Variants in SNTG1 observed in about 807,000 individuals in gnomAD.
SNTG1 encodes the protein syntrophin gamma 1.
A neutral mutation model predicts 74.7 loss-of-function variants in SNTG1; 39 were observed. That is an observed-to-expected ratio of 0.52 (90% CI 0.40 to 0.68). SNTG1 has a LOEUF of 0.68. Ranked by LOEUF, SNTG1 falls within the 30% of genes least tolerant of loss-of-function variation. SNTG1 has a pLI of 0.00. For missense variants in SNTG1, 685 were observed against 609.5 expected, an observed-to-expected ratio of 1.12 and a Z score of -1.30; for synonymous variants, 254 against 217.1, an observed-to-expected ratio of 1.17 and a Z score of -1.49.
chr8:50,493,960 A>G (rs1454369876), intron 8 of SNTG1, among the ~76,000 whole-genome samples: 1 of 151,884 alleles, frequency 6.6e-6, no homozygotes, highest in African/African-American at 2.4e-5. Flanking sequence ...TAGAAATATT[A>G]AAGAGAGCCC....
chr8:50,457,968 T>C (rs971467146), intron 8 of SNTG1: 1 of 152,218 alleles, frequency 6.6e-6, no homozygotes, highest in Non-Finnish European at 1.5e-5. Context: ...AGGATTCTTT[T>C]TTAGTGAAAT....
At chr8:49,991,146 C>T (rs1179891262) in intron 1 of SNTG1, among the ~76,000 whole-genome samples, 1 of 152,106 alleles carries the variant, frequency 6.6e-6, no homozygotes, top group Non-Finnish European at 1.5e-5. Flanking sequence ...AACAGGCTCT[C>T]CTCCACAGGA....
chr8:50,340,774 T>C (rs1028820513), intron 2 of SNTG1, among the ~76,000 whole-genome samples: 15 of 151,936 alleles, frequency 9.9e-5, no homozygotes, highest in African/African-American at 3.4e-4. Context: ...CACTAATCTA[T>C]TGATTAAAAG....
intron 1 of SNTG1, among the ~76,000 whole-genome samples, chr8:50,141,651 C>A (rs889614191): frequency 6.6e-6 from 1 of 151,934 alleles, no homozygotes; most frequent in African/African-American, 2.4e-5. Flanking sequence ...ACAGCAATGA[C>A]AACAACAAAA....
chr8:50,739,134 C>T lies in SNTG1; in HGVS notation c.1285-12867C>T, dbSNP rs543920553. On this transcript the variant is annotated intron_variant, in intron 17 of 18. Coordinates refer to ENST00000642720, the MANE Select transcript of SNTG1 (RefSeq NM_018967.5). ...CATCAGGATGAACAGGCCATCTACA[C>T]AATGGGAGAAAAGTTTTACAATCTA... Among the ~76,000 whole-genome samples, 205 of 151,964 alleles carry T rather than the reference C, an allele frequency of 1.3e-3. 1 individual carries two copies. The highest frequency in any genetic ancestry group is 4.7e-3 in the African/African-American group (197 of 41,498).
chr8:50,466,407 A>T (rs563804973), intron 8 of SNTG1, among the ~76,000 whole-genome samples: 1 of 151,950 alleles, frequency 6.6e-6, no homozygotes, highest in Non-Finnish European at 1.5e-5. Flanking sequence ...GATCATGTGT[A>T]TTCTTTTGCC....
chr8:50,621,176 C>T (rs2094921046), intron 13 of SNTG1, among the ~76,000 whole-genome samples: 2 of 150,874 alleles, frequency 1.3e-5, no homozygotes, highest in African/African-American at 4.9e-5. Context: ...TCAGATCTTT[C>T]AAGTAAATAT....
intron 1 of SNTG1, among the ~76,000 whole-genome samples, chr8:50,034,252 A>G (rs1460732505): frequency 6.6e-6 from 1 of 152,202 alleles, no homozygotes; most frequent in Admixed American, 6.5e-5. Flanking sequence ...CATTAGAAGA[A>G]AGCTTTAAAA....
At chr8:50,487,914 T>C (rs2093813251) in intron 8 of SNTG1, among the ~76,000 whole-genome samples, 1 of 152,224 alleles carries the variant, frequency 6.6e-6, no homozygotes, top group African/African-American at 2.4e-5. Flanking sequence ...TTGCTTATTC[T>C]GTGTTACCTC....
At chr8:50,149,122 T>A (rs1257256061) in intron 1 of SNTG1, among the ~76,000 whole-genome samples, 4 of 152,176 alleles carry the variant, frequency 2.6e-5, no homozygotes. Flanking sequence ...TCATTGGAGA[T>A]TTGATTTCTC....
chr8:50,660,184 AAAAG>A lies in SNTG1; in HGVS notation c.1038+1533_1038+1536del, dbSNP rs768327177. Among the ~76,000 whole-genome samples the A allele has an allele frequency of 1.5e-4, 22 of 151,462 alleles. No homozygotes were observed. In the South Asian group the frequency reaches 4.6e-3, roughly 32 times the overall value. On this transcript the variant is annotated intron_variant, in intron 15 of 18. Coordinates refer to ENST00000642720, the MANE Select transcript of SNTG1 (RefSeq NM_018967.5). Reference sequence around the variant, plus strand: ...AAGCTACTCATGTAATTAGGGGAAGAAAAGAAAGAAAGAAAAGAAAAGAAGGAAA... The same window carrying A: ...AAGCTACTCATGTAATTAGGGGAAGAAAAGAAAGAAAAGAAAAGAAGGAAA...
intron 1 of SNTG1, among the ~76,000 whole-genome samples, chr8:50,112,515 C>CTTTTTTTTTTT (rs34942560): frequency 1.3e-5 from 1 of 77,582 alleles, no homozygotes; most frequent in African/African-American, 5.1e-5. Flanking sequence ...TTAGTTCTTT[C>CTTTTTTTTTTT]TTTTTTTTTT....
At chr8:50,323,917 C>T (rs937122158) in intron 2 of SNTG1, among the ~76,000 whole-genome samples, 6 of 152,282 alleles carry the variant, frequency 3.9e-5, no homozygotes, top group Non-Finnish European at 5.9e-5. Context: ...GTGCTTAAAT[C>T]GAATACTGGG....
intron 2 of SNTG1, among the ~76,000 whole-genome samples, chr8:50,236,767 A>G (rs1388492214): frequency 6.6e-6 from 1 of 152,078 alleles, no homozygotes; most frequent in Non-Finnish European, 1.5e-5. Flanking sequence ...TTTAAAACAT[A>G]TATTTATATA....
rs145358621 is a variant in SNTG1 at position 50,137,594 on chromosome 8, G to T, written c.-102-34967G>T. Among the ~76,000 whole-genome samples, 501 of 152,300 alleles carry T rather than the reference G, an allele frequency of 3.3e-3. 3 individuals are homozygous for T. The highest frequency in any genetic ancestry group is 5.3e-3 in the Non-Finnish European group (362 of 68,026). On this transcript the variant is annotated intron_variant, in intron 1 of 18. Transcript: ENST00000642720. ...GTATTCCCGAGAATAAATAAGCAAA[G>T]CAGCAAGAAGGCGACAGAATGACAG...
intron 18 of SNTG1, among the ~76,000 whole-genome samples, chr8:50,754,657 C>G (rs1050801378): frequency 6.6e-6 from 1 of 151,804 alleles, no homozygotes; most frequent in Non-Finnish European, 1.5e-5. Context: ...GGTCTGTAAT[C>G]CATTCAATGA....
chr8:49,941,453 T>C (rs1215691822), intron 1 of SNTG1, among the ~76,000 whole-genome samples: 1 of 148,238 alleles, frequency 6.7e-6, no homozygotes, highest in Non-Finnish European at 1.5e-5. Flanking sequence ...ATATATTATA[T>C]ATTATATTAA....
At chr8:50,329,585 G>C (rs993174587) in intron 2 of SNTG1, among the ~76,000 whole-genome samples, 2 of 151,924 alleles carry the variant, frequency 1.3e-5, no homozygotes, top group Non-Finnish European at 2.9e-5. Flanking sequence ...AGCTGTAGTG[G>C]CTCAAATGCA....
Position 50,111,579 on chromosome 8 carries a change from G to A in SNTG1, c.-102-60982G>A, listed in dbSNP as rs539601424. Among the ~76,000 whole-genome samples, 67 of 152,098 alleles carry A rather than the reference G, an allele frequency of 4.4e-4. 1 individual carries two copies. The highest frequency in any genetic ancestry group is 8.5e-4 in the Non-Finnish European group (58 of 68,024). On this transcript the variant is annotated intron_variant, in intron 1 of 18. Coordinates refer to ENST00000642720, the MANE Select transcript of SNTG1 (RefSeq NM_018967.5). ...CAGAAATATGAGAAAATAAGTTTCT[G>A]TTGTTTAAGCCACCAAGTCTATGAT...
Sources: allele counts gnomAD v4.1 joint callset (sites outside exome capture counted in the v4.1 genomes callset), GRCh38; gene constraint gnomAD v4.1.1; transcripts MANE v1.5; gene names NCBI Gene and HGNC (gene_info 2026-07-23, HGNC 2026-07-21).